The following AP3B1 variants were observed in gnomAD, a reference collection of about 807,000 sequenced individuals.
AP3B1 encodes adaptor related protein complex 3 subunit beta 1, also known as AP-3 complex subunit beta-1.
AP3B1 carries 61 observed loss-of-function variants against 132.5 expected under a neutral mutation model. That is an observed-to-expected ratio of 0.46 (90% CI 0.37 to 0.57). AP3B1 has a LOEUF of 0.57. AP3B1 is among the 20% of genes least tolerant of loss of function. The pLI is 0.00. For missense variants in AP3B1, 1,120 were observed against 1,289.4 expected (o/e 0.87, Z 2.01); for synonymous variants, 388 against 438.3 (o/e 0.89, Z 1.43).
intron 7 of AP3B1, among the ~76,000 whole-genome samples, chr5:78,184,791 G>A (rs1744535884): frequency 6.6e-6 from 1 of 151,932 alleles, no homozygotes; most frequent in Non-Finnish European, 1.5e-5. Context: ...ACAGAGGCAA[G>A]AGTTGAAAGA....
intron 22 of AP3B1, among the ~76,000 whole-genome samples, chr5:78,068,416 A>G (rs1159465426): frequency 6.6e-6 from 1 of 152,124 alleles, no homozygotes; most frequent in African/African-American, 2.4e-5. Flanking sequence ...GAAGAATCAA[A>G]TAGATATAAT....
At chr5:78,276,537 G>C (rs564428788) in intron 1 of AP3B1, among the ~76,000 whole-genome samples, 4 of 152,138 alleles carry the variant, frequency 2.6e-5, no homozygotes, top group Non-Finnish European at 5.9e-5. Flanking sequence ...TTCAAGACCA[G>C]CCTAGACAAC....
intron 5 of AP3B1, among the ~76,000 whole-genome samples, chr5:78,227,086 T>G (rs2112494165): frequency 6.6e-6 from 1 of 152,266 alleles, no homozygotes; most frequent in African/African-American, 2.4e-5. Context: ...ATAGACTATA[T>G]AAATGAGAAT....
intron 21 of AP3B1, among the ~76,000 whole-genome samples, chr5:78,100,530 TACTGAAATTGTGCCAA>T (rs1187282123): frequency 1.3e-5 from 2 of 152,210 alleles, no homozygotes; most frequent in African/African-American, 4.8e-5. Flanking sequence ...TTTCCATTCC[TACTGAAATTGTGCCAA>T]GTGGAAGATG....
intron 18 of AP3B1, 81 bp downstream of exon 18, chr5:78,116,045 T>C: frequency 9.8e-7 from 1 of 1,021,000 alleles, no homozygotes; most frequent in East Asian, 2.4e-5. Context: ...CTGCTGAATA[T>C]TATGGATTAG....
At chr5:78,006,222 G>A (rs1746388024) in intron 26 of AP3B1, among the ~76,000 whole-genome samples, 1 of 152,076 alleles carries the variant, frequency 6.6e-6, no homozygotes, top group South Asian at 2.1e-4. Flanking sequence ...ACTTCCTCAG[G>A]GCCACACACC....
At chr5:78,094,605 T>C (rs1238187722) in intron 21 of AP3B1, among the ~76,000 whole-genome samples, 1 of 152,272 alleles carries the variant, frequency 6.6e-6, no homozygotes, top group East Asian at 1.9e-4. Context: ...GCAAGCTCTT[T>C]CCCTCCTCCA....
At chr5:78,015,764 G>C (rs1746832441) in intron 25 of AP3B1, 2 of 504,800 alleles carry the variant, frequency 4.0e-6, no homozygotes, top group Non-Finnish European at 3.5e-6. Flanking sequence ...TAAAAATTCA[G>C]TAAAAAATCA....
intron 22 of AP3B1, among the ~76,000 whole-genome samples, chr5:78,039,773 G>A (rs1393063477): frequency 2.5e-5 from 3 of 121,676 alleles, no homozygotes; most frequent in Admixed American, 9.9e-5. Flanking sequence ...GCGAGACTCC[G>A]TCTCAAAAAA....
At chr5:78,123,485 TCAAA>T (rs1242770406) in intron 17 of AP3B1, among the ~76,000 whole-genome samples, 8 of 151,640 alleles carry the variant, frequency 5.3e-5, no homozygotes, top group African/African-American at 1.5e-4. Context: ...TACAATGAAC[TCAAA>T]CAAATTTACA....
At chr5:78,276,878 A>G (rs1748800726) in intron 1 of AP3B1, among the ~76,000 whole-genome samples, 1 of 141,674 alleles carries the variant, frequency 7.1e-6, no homozygotes, top group African/African-American at 2.5e-5. Flanking sequence ...CTAAAAAAAA[A>G]AAAAGAAGAA....
chr5:78,099,866 G>A (rs1402631162), intron 21 of AP3B1, among the ~76,000 whole-genome samples: 1 of 151,864 alleles, frequency 6.6e-6, no homozygotes, highest in Non-Finnish European at 1.5e-5. Context: ...TCCAGCCTGG[G>A]CAACAAAGTG....
At chr5:78,030,853 A>G (rs1426060357) in intron 24 of AP3B1, among the ~76,000 whole-genome samples, 1 of 151,828 alleles carries the variant, frequency 6.6e-6, no homozygotes, top group African/African-American at 2.4e-5. Flanking sequence ...ACCCTTTTTG[A>G]TTTTTGGTAG....
chr5:78,062,920 CA>C (rs2112147157), intron 22 of AP3B1, among the ~76,000 whole-genome samples: 1 of 152,260 alleles, frequency 6.6e-6, no homozygotes, highest in African/African-American at 2.4e-5. Flanking sequence ...GGGCCCCACT[CA>C]ATGTGATGAG....
intron 22 of AP3B1, among the ~76,000 whole-genome samples, chr5:78,040,699 A>G (rs1162373334): frequency 6.6e-6 from 1 of 152,218 alleles, no homozygotes; most frequent in Admixed American, 6.5e-5. Context: ...ATTTGTAATT[A>G]AACAGGCTTG....
At chr5:78,243,848 G>C (rs944525039) in intron 2 of AP3B1, among the ~76,000 whole-genome samples, 1 of 152,206 alleles carries the variant, frequency 6.6e-6, no homozygotes, top group Non-Finnish European at 1.5e-5. Flanking sequence ...ACTGTAAAAT[G>C]AGTTGGCTTT....
chr5:78,171,641 G>A (rs2112391878), intron 11 of AP3B1, among the ~76,000 whole-genome samples: 1 of 152,302 alleles, frequency 6.6e-6, no homozygotes, highest in African/African-American at 2.4e-5. Context: ...ATTTTGGGCT[G>A]AGACGATGGG....
At chr5:78,185,518 T>A (rs886824634) in intron 7 of AP3B1, among the ~76,000 whole-genome samples, 21 of 152,188 alleles carry the variant, frequency 1.4e-4, no homozygotes, top group Non-Finnish European at 2.6e-4. Flanking sequence ...TAGACTGTGA[T>A]GGTAAGATGA....
chr5:78,199,065 G>A (rs780221995), intron 7 of AP3B1, among the ~76,000 whole-genome samples: 3 of 152,150 alleles, frequency 2.0e-5, no homozygotes, highest in Admixed American at 1.3e-4. Context: ...AGGTGGAAGT[G>A]TGGGTTTGAG....
Sources: gnomAD v4.1 joint callset for allele counts (sites outside exome capture counted in the v4.1 genomes callset) on GRCh38, gnomAD v4.1.1 for gene constraint, MANE v1.5 for transcripts, NCBI Gene and HGNC (gene_info 2026-07-23, HGNC 2026-07-21) for gene names.